The following NR2F2 variants were observed in gnomAD, a reference collection of about 807,000 sequenced individuals.
NR2F2 encodes nuclear receptor subfamily 2 group F member 2.
A neutral mutation model predicts 34.8 loss-of-function variants in NR2F2; 2 were observed. That is an observed-to-expected ratio of 0.06 (90% CI 0.02 to 0.18). The LOEUF (loss-of-function observed/expected upper bound fraction) is 0.18, where lower values mean the gene tolerates loss of function less well. Among genes scored for constraint, NR2F2 ranks in the 10% least tolerant of loss-of-function variants. The pLI is 1.00. For synonymous variants in NR2F2, 274 were observed against 251.8 expected, an observed-to-expected ratio of 1.09 and a Z score of -0.84; for missense variants, 300 against 580.1, an observed-to-expected ratio of 0.52 and a Z score of 4.96.
intron 2 of NR2F2, 103 bp downstream of exon 2, chr15:96,334,706 A>C (rs992714618): frequency 7.7e-7 from 1 of 1,301,926 alleles, no homozygotes; most frequent in African/African-American, 1.5e-5. Context: ...GCTCCTTGAA[A>C]GGCCAAACTG....
chr15:96,331,147 CCCGGCGGCTTCGGCGGCGGCT>C lies in NR2F2; in HGVS notation c.-950_-930del, dbSNP rs1243615233. On this transcript the variant is annotated 5_prime_UTR_variant, in exon 1 of 3. Coordinates refer to ENST00000394166, the MANE Select transcript of NR2F2 (RefSeq NM_021005.4). Reference sequence around the variant, plus strand: ...CTAGACGCAGCGGCTCCGGGCCCGACCCGGCGGCTTCGGCGGCGGCTCCGGCGGCAGCGGCGGCCCGGGCGG... The same window carrying C: ...CTAGACGCAGCGGCTCCGGGCCCGACCCGGCGGCAGCGGCGGCCCGGGCGG... The C allele has an allele frequency of 1.6e-5, 17 of 1,063,670 alleles. No individual in the cohort carries two copies. Among genetic ancestry groups the C allele is most frequent in the East Asian group, 1.1e-4 (2 of 18,896 alleles). The allele number at this position is 1,063,670 out of a possible 1,614,324, so 65.9% of individuals were successfully genotyped here.
At position 96,337,679 on chromosome 15, in the gene NR2F2, T is replaced by G; in HGVS notation, c.*57T>G. The G allele has an allele frequency of 6.5e-7, 1 of 1,537,004 alleles. No homozygotes were observed. Among genetic ancestry groups the G allele is most frequent in the Non-Finnish European group, 8.8e-7 (1 of 1,132,490 alleles). On this transcript the variant is annotated 3_prime_UTR_variant, in exon 3 of 3. Coordinates refer to ENST00000394166, the MANE Select transcript of NR2F2 (RefSeq NM_021005.4). ...AGAAAGAAAAGGCAAAAGACTGGTT[T>G]GTTTGCTTAATTTCCTTCTGTTAAG...
At chr15:96,337,296 CTTCTTCTTCTTT>C (rs1334862089) in intron 2 of NR2F2, 40 bp from the exon 3 acceptor site, 3 of 1,580,408 alleles carry the variant, frequency 1.9e-6, no homozygotes, top group Non-Finnish European at 2.6e-6. Flanking sequence ...TCTTCTTCTT[CTTCTTCTTCTTT>C]TTCTTCTTCT....
upstream of NR2F2, chr15:96,330,650 A>T (rs1283720873): frequency 6.4e-6 from 1 of 157,004 alleles, no homozygotes; most frequent in Non-Finnish European, 1.4e-5. Context: ...GCTAAGTTGC[A>T]GCAGTCGTGT....
chr15:96,331,823 C>A lies in NR2F2; in HGVS notation c.-283C>A. 1.7e-6 allele frequency: 2 copies of A among 1,202,432 alleles called. No individual in the cohort carries two copies. The highest frequency in any genetic ancestry group is 2.1e-6 in the Non-Finnish European group (2 of 969,240). The allele number at this position is 1,202,432 out of a possible 1,614,324, so 74.5% of individuals were successfully genotyped here. A position where few individuals can be genotyped will look rare whatever the true frequency, so the allele number is the denominator to read the frequency against. On this transcript the variant is annotated 5_prime_UTR_variant, in exon 1 of 3. Transcript: ENST00000394166. ...CTTCCCCTCCCCTCCCGGCGGAAAGCCCCCCGAAACCAACAAAGCTGAGCC... is the reference window on the plus strand; with the variant it reads ...CTTCCCCTCCCCTCCCGGCGGAAAGACCCCCGAAACCAACAAAGCTGAGCC...
chr15:96,331,875 C>T lies in NR2F2; in HGVS notation c.-231C>T, dbSNP rs1596424183. On this transcript the variant is annotated 5_prime_UTR_variant, in exon 1 of 3. Coordinates refer to ENST00000394166, the MANE Select transcript of NR2F2 (RefSeq NM_021005.4). ...AGAGAAACAAACAAAACAAACACAC[C>T]GGGCCAGACAAGCCATCGACAAAAC... The T allele has an allele frequency of 4.1e-6, 5 of 1,205,590 alleles. No individual in the cohort carries two copies. The highest frequency in any genetic ancestry group is 4.1e-6 in the Non-Finnish European group (4 of 971,714). 74.7% of individuals were successfully genotyped at this position (1,205,590 alleles called of 1,614,324 possible).
chr15:96,331,043 G>T lies in NR2F2; in HGVS notation c.-1063G>T, dbSNP rs565156403. 1 of 1,239,734 alleles carries T rather than the reference G, an allele frequency of 8.1e-7. No homozygotes were observed. The highest frequency in any genetic ancestry group is 1.6e-5 in the African/African-American group (1 of 64,182). 76.8% of individuals were successfully genotyped at this position (1,239,734 alleles called of 1,614,324 possible). On this transcript the variant is annotated 5_prime_UTR_variant, in exon 1 of 3. In the 5' UTR this introduces an upstream ATG that the reference lacks. Transcript: ENST00000394166. ...GTTGACTCTTTCCCTATGTGTGTGA[G>T]GCGGCGGCGGCAGCAGCAGCAGCAG...
upstream of NR2F2, chr15:96,326,055 T>C (rs1053811593): frequency 1.9e-5 from 11 of 564,622 alleles, no homozygotes; most frequent in Admixed American, 3.2e-5. This position sits in a 1 kb window ranked among gnomAD's most constrained non-coding sequence, Gnocchi z 5.5. Context: ...CTAAAGTTAG[T>C]GTGCAGGGTT....
chr15:96,334,374 C>T lies in NR2F2; in HGVS notation c.741C>T (p.Leu247=), dbSNP rs933038285. The stretch of plus-strand genomic sequence containing the variant: ...CGGACCAGGTGGCCCTGCTTCGCCT[C>T]ACCTGGAGCGAGCTGTTTGTGTTGA... ...QITDQVALLR[L]TWSELFVLNA... Residue 247 remains leucine, a synonymous_variant, in exon 2 of 3, where the codon CTC becomes CTT. Coordinates refer to ENST00000394166, the MANE Select transcript of NR2F2 (RefSeq NM_021005.4). 1.2e-6 allele frequency: 2 copies of T among 1,614,208 alleles called. No individual in the cohort carries two copies. Among genetic ancestry groups the T allele is most frequent in the Admixed American group, 1.7e-5 (1 of 60,034 alleles).
upstream of NR2F2, among the ~76,000 whole-genome samples, chr15:96,329,830 A>C (rs969504339): frequency 6.6e-6 from 1 of 152,098 alleles, no homozygotes; most frequent in Non-Finnish European, 1.5e-5. Flanking sequence ...TTCTAATTGC[A>C]TCATGACAAT....
Position 96,331,512 on chromosome 15 carries a change from A to C in NR2F2, c.-594A>C, listed in dbSNP as rs1012061068. ...AATGGCTGACTGTGGGCTGCCCTGG[A>C]CTTGGCCCCCGGACAGTCGCCTCTC... On this transcript the variant is annotated 5_prime_UTR_variant, in exon 1 of 3. Transcript: ENST00000394166. The C allele has an allele frequency of 1.1e-5, 14 of 1,230,184 alleles. No homozygotes were observed. Among genetic ancestry groups the C allele is most frequent in the Non-Finnish European group, 1.3e-5 (13 of 987,440 alleles). 76.2% of individuals were successfully genotyped at this position (1,230,184 alleles called of 1,614,324 possible).
At chr15:96,336,296 G>A (rs1254297465) in intron 2 of NR2F2, among the ~76,000 whole-genome samples, 1 of 152,194 alleles carries the variant, frequency 6.6e-6, no homozygotes, top group East Asian at 1.9e-4. Flanking sequence ...ACACAGTTCC[G>A]AGGATGCCGA....
At chr15:96,333,779 C>T in intron 1 of NR2F2, 1 of 1,383,248 alleles carries the variant, frequency 7.2e-7, no homozygotes, top group Non-Finnish European at 9.3e-7. Context: ...TGCTACATCC[C>T]GCCCACAGCG....
chr15:96,340,239 T>C lies in NR2F2; in HGVS notation c.*2617T>C, dbSNP rs974320362. The C allele has an allele frequency of 5.9e-5, 9 of 152,168 alleles. No individual in the cohort carries two copies. Among genetic ancestry groups the C allele is most frequent in the Admixed American group, 1.3e-4 (2 of 15,256 alleles). The allele number at this position is 152,168 out of a possible 1,614,324, so 9.4% of individuals were successfully genotyped here. Reference sequence around the variant, plus strand: ...ATTATTATTGGCATTAAATTATAATTTATGATTTTCAAAGCAAAAGACAAT... The same window carrying C: ...ATTATTATTGGCATTAAATTATAATCTATGATTTTCAAAGCAAAAGACAAT... On this transcript the variant is annotated 3_prime_UTR_variant, in exon 3 of 3. Transcript: ENST00000394166.
At chr15:96,328,216 T>C (rs866241434), upstream of NR2F2, among the ~76,000 whole-genome samples, 1 of 152,352 alleles carries the variant, frequency 6.6e-6, no homozygotes. Context: ...ATGGCAGCCC[T>C]GTGATCATTT....
Position 96,332,327 on chromosome 15 carries a change from G to GCAA in NR2F2, c.225_227dup (p.Gln75dup), listed in dbSNP as rs748139105. The stretch of plus-strand genomic sequence containing the variant: ...CGGGTAGCGACAAGCAGCAGCAGCA[G>GCAA]CAACACATCGAGTGCGTGGTGTGCG... On this transcript the variant is annotated inframe_insertion, in exon 1 of 3. Coordinates refer to ENST00000394166, the MANE Select transcript of NR2F2 (RefSeq NM_021005.4). 4.4e-6 allele frequency: 7 copies of GCAA among 1,600,384 alleles called. No homozygotes were observed. Among genetic ancestry groups the GCAA allele is most frequent in the South Asian group, 2.2e-5 (2 of 89,184 alleles).
upstream of NR2F2, chr15:96,326,231 A>T: frequency 8.7e-7 from 1 of 1,147,056 alleles, no homozygotes; most frequent in Middle Eastern, 1.9e-4. The surrounding 1 kb of genome is among the most constrained non-coding windows in gnomAD (Gnocchi z 5.5). Context: ...ATTATCAAAG[A>T]CACATCTTTT....
At chr15:96,334,645 C>A in intron 2 of NR2F2, 42 bp downstream of exon 2, 1 of 1,542,424 alleles carries the variant, frequency 6.5e-7, no homozygotes, top group Non-Finnish European at 8.7e-7. Flanking sequence ...GGGCTCCTAG[C>A]CCAGAGCTGG....
Position 96,337,658 on chromosome 15 carries a change from A to C in NR2F2, c.*36A>C. ...TAAGAAGGGGGAGTGAAACAGAGAA[A>C]GAAAAGGCAAAAGACTGGTTTGTTT... is the stretch of plus-strand genomic sequence containing the variant. On this transcript the variant is annotated 3_prime_UTR_variant, in exon 3 of 3. Coordinates refer to ENST00000394166, the MANE Select transcript of NR2F2 (RefSeq NM_021005.4). The C allele has an allele frequency of 1.9e-6, 3 of 1,591,150 alleles. No homozygotes were observed. Among genetic ancestry groups the C allele is most frequent in the Non-Finnish European group, 2.6e-6 (3 of 1,166,518 alleles).
Sources: gnomAD v4.1 joint callset for allele counts (sites outside exome capture counted in the v4.1 genomes callset) on GRCh38, gnomAD v4.1.1 for gene constraint, Gnocchi (gnomAD v3.1) non-coding constraint, MANE v1.5 for transcripts, NCBI Gene and HGNC (gene_info 2026-07-23, HGNC 2026-07-21) for gene names.